Variants in U2SURP observed in about 807,000 individuals in gnomAD.
U2SURP encodes the protein U2 snRNP-associated SURP motif-containing protein.
In U2SURP, 9 loss-of-function variants were observed where a neutral mutation model predicts 144.9. That is an observed-to-expected ratio of 0.06 (90% CI 0.04 to 0.11). U2SURP has a LOEUF of 0.11. Among genes scored for constraint, U2SURP ranks in the 10% least tolerant of loss-of-function variants. The pLI is 1.00. For synonymous variants in U2SURP, 408 were observed against 396.8 expected, an observed-to-expected ratio of 1.03 and a Z score of -0.33; for missense variants, 724 against 1,226.7, an observed-to-expected ratio of 0.59 and a Z score of 6.12.
chr3:143,029,356 T>C (rs932741096), intron 16 of U2SURP, among the ~76,000 whole-genome samples: 2 of 152,184 alleles, frequency 1.3e-5, no homozygotes, highest in Non-Finnish European at 2.9e-5. Flanking sequence ...CTGTTGTCAT[T>C]ATTTTTCGAA....
At chr3:143,033,234 A>T (rs752239647) in intron 17 of U2SURP, 37 bp from the exon 18 acceptor site, 1 of 1,254,150 alleles carries the variant, frequency 8.0e-7, no homozygotes, top group African/African-American at 1.5e-5. Context: ...CATTAGCCTT[A>T]TATTAACCTA....
chr3:143,059,682 A>C lies in U2SURP; in HGVS notation c.*3232A>C, dbSNP rs1364511812. The C allele has an allele frequency of 6.6e-6, 1 of 151,832 alleles. No homozygotes were observed. The highest frequency in any genetic ancestry group is 1.5e-5 in the Non-Finnish European group (1 of 67,810). 9.4% of individuals were successfully genotyped at this position (151,832 alleles called of 1,614,324 possible). A position where few individuals can be genotyped will look rare whatever the true frequency, so the allele number is the denominator to read the frequency against. On this transcript the variant is annotated 3_prime_UTR_variant, in exon 28 of 28. Transcript: ENST00000473835. ...AAAGTTGGTTTTAAAAATAAATAGT[A>C]CCACTTTTCTAAGACTGTACAGTTT...
intron 16 of U2SURP, among the ~76,000 whole-genome samples, chr3:143,030,834 C>CCA (rs775134134): frequency 2.6e-5 from 4 of 152,072 alleles, no homozygotes; most frequent in Admixed American, 1.3e-4. Context: ...TAGCATGAGG[C>CCA]CAAGAGTTCA....
chr3:143,046,938 G>C (rs1187879271), intron 24 of U2SURP, among the ~76,000 whole-genome samples: 1 of 83,270 alleles, frequency 1.2e-5, no homozygotes. Flanking sequence ...GCGGCTGGCC[G>C]GGCAGGGGGC....
chr3:143,043,603 T>C (rs1335117457), intron 24 of U2SURP, among the ~76,000 whole-genome samples: 1 of 152,188 alleles, frequency 6.6e-6, no homozygotes, highest in African/African-American at 2.4e-5. Context: ...CCCATTAGGC[T>C]GCACTTTCCA....
chr3:143,008,868 C>T (rs1361635572), intron 1 of U2SURP, among the ~76,000 whole-genome samples: 3 of 152,214 alleles, frequency 2.0e-5, no homozygotes, highest in African/African-American at 7.2e-5. Flanking sequence ...CGGGTTCACA[C>T]CATTCTCCTG....
intron 1 of U2SURP, among the ~76,000 whole-genome samples, chr3:143,003,760 C>G (rs1477582032): frequency 7.2e-6 from 1 of 138,830 alleles, no homozygotes; most frequent in Non-Finnish European, 1.5e-5. Flanking sequence ...GGCACAATCT[C>G]GGCTCATTGC....
Position 143,059,065 on chromosome 3 carries a change from G to A in U2SURP, c.*2615G>A, listed in dbSNP as rs1016100023. On this transcript the variant is annotated 3_prime_UTR_variant, in exon 28 of 28. Coordinates refer to ENST00000473835, the MANE Select transcript of U2SURP (RefSeq NM_001080415.2). ...GTCTTGATCTGTTTCTTACCAAAGAGAGACAGACCTATGATGGAAAATGAT... is the reference window on the plus strand; with the variant it reads ...GTCTTGATCTGTTTCTTACCAAAGAAAGACAGACCTATGATGGAAAATGAT... 1 of 152,326 alleles carries A rather than the reference G, an allele frequency of 6.6e-6. No individual in the cohort carries two copies. Among genetic ancestry groups the A allele is most frequent in the Non-Finnish European group, 1.5e-5 (1 of 67,842 alleles). The allele number at this position is 152,326 out of a possible 1,614,324, so 9.4% of individuals were successfully genotyped here.
intron 23 of U2SURP, among the ~76,000 whole-genome samples, chr3:143,041,000 C>G (rs1295093445): frequency 1.3e-5 from 2 of 151,568 alleles, no homozygotes; most frequent in Non-Finnish European, 3.0e-5. Context: ...CTGTATTCAT[C>G]TATGATTGAA....
intron 6 of U2SURP, among the ~76,000 whole-genome samples, chr3:143,018,781 C>T (rs549410494): frequency 1.1e-3 from 160 of 152,058 alleles, no homozygotes; most frequent in Non-Finnish European, 1.2e-3. Context: ...CAAAATTAGC[C>T]GGGCATGGTG....
Position 143,055,231 on chromosome 3 carries a change from A to G in U2SURP, c.2951+112A>G. ...ATTTTTTTTTTTTTTTAAGGATTTT[A>G]GAAAACCAAAGAGATACACTTTCAT... On this transcript the variant is annotated intron_variant, in intron 27 of 27. Transcript: ENST00000473835. The G allele has an allele frequency of 5.4e-6, 5 of 925,792 alleles. No individual in the cohort carries two copies. In the East Asian group the frequency reaches 1.4e-4, roughly 26 times the overall value. 57.3% of individuals were successfully genotyped at this position (925,792 alleles called of 1,614,324 possible).
intron 25 of U2SURP, among the ~76,000 whole-genome samples, chr3:143,051,602 CAAAAA>C (rs3041537): frequency 0.051 from 4,664 of 90,650 alleles, 212 homozygotes; most frequent in African/African-American, 0.16. Context: ...ACTGTCGTTG[CAAAAA>C]AAAAAAAAAA....
chr3:143,012,582 AAAAC>A (rs1936176042), intron 3 of U2SURP, among the ~76,000 whole-genome samples: 1 of 152,164 alleles, frequency 6.6e-6, no homozygotes, highest in African/African-American at 2.4e-5. Context: ...TTTTATTTGA[AAAAC>A]AAAGTAGTGT....
At chr3:143,022,812 T>G (rs1932915151) in intron 11 of U2SURP, 41 bp from the exon 12 acceptor site, 1 of 1,489,626 alleles carries the variant, frequency 6.7e-7, no homozygotes. Flanking sequence ...TTTGGAAACT[T>G]TTGAGAGTTA....
intron 24 of U2SURP, among the ~76,000 whole-genome samples, chr3:143,047,651 G>C: frequency 2.0e-5 from 1 of 49,678 alleles, no homozygotes. Context: ...CCTCCCGGAC[G>C]GGGCGGCTGG....
rs1182138625 is a variant in U2SURP, at chr3:143,028,406, G to A, written c.1446G>A (p.Gln482=). 1 of 1,612,522 alleles carries A rather than the reference G, an allele frequency of 6.2e-7. No homozygotes were observed. The stretch of plus-strand genomic sequence containing the variant: ...GGTGGAAGCTTTATTCTATTCTGCA[G>A]GCAAGTAGAATCAATTACTTTGTTA... ...YYRWKLYSIL[Q]GDSPTKWRTE... is the part of the protein sequence containing the mutation. The change falls in exon 15 of 28, where the codon CAG becomes CAA. Residue 482 remains glutamine (Q), a splice_region_variant and synonymous_variant. Transcript: ENST00000473835.
At chr3:143,004,798 A>G (rs1315857413) in intron 1 of U2SURP, among the ~76,000 whole-genome samples, 1 of 152,084 alleles carries the variant, frequency 6.6e-6, no homozygotes, top group African/African-American at 2.4e-5. Context: ...CATTTAACAA[A>G]TGTTCTAGAA....
intron 13 of U2SURP, among the ~76,000 whole-genome samples, chr3:143,025,437 A>C (rs1446129453): frequency 2.0e-5 from 3 of 152,146 alleles, no homozygotes; most frequent in Non-Finnish European, 4.4e-5. Context: ...GTTGCTTTTG[A>C]CTTAATTCAC....
chr3:143,049,279 AAAAAAAAAAAAAAG>A (rs1209164823), intron 24 of U2SURP, among the ~76,000 whole-genome samples: 9 of 150,194 alleles, frequency 6.0e-5, no homozygotes, highest in South Asian at 2.1e-4. Context: ...AAAAAAAAAA[AAAAAAAAAAAAAAG>A]AAAGAAAATA....
Sources: allele counts gnomAD v4.1 joint callset (sites outside exome capture counted in the v4.1 genomes callset), GRCh38; gene constraint gnomAD v4.1.1; transcripts MANE v1.5; gene names NCBI Gene and HGNC (gene_info 2026-07-23, HGNC 2026-07-21).